Variants in FOXP2 observed in about 807,000 individuals in gnomAD.
FOXP2 encodes forkhead box protein P2.
FOXP2 carries 12 observed loss-of-function variants against 115.8 expected under a neutral mutation model. The ratio of observed to expected loss-of-function variants is 0.10; its 90% confidence interval spans 0.07 to 0.17. FOXP2 has a LOEUF of 0.17. FOXP2 is among the 10% of genes least tolerant of loss of function. FOXP2 has a pLI of 1.00. For synonymous variants in FOXP2, 328 were observed against 297.7 expected (o/e 1.10, Z -1.05); for missense variants, 629 against 843.5 (o/e 0.75, Z 3.15).
At position 114,432,638 on chromosome 7, in the gene FOXP2, G is replaced by A. The variant is rs144657050; in HGVS notation, c.168+5959G>A. Among the ~76,000 whole-genome samples the A allele has an allele frequency of 2.3e-3, 355 of 151,938 alleles. 1 individual carries two copies. Among genetic ancestry groups the A allele is most frequent in the African/African-American group, 8.3e-3 (343 of 41,510 alleles). On this transcript the variant is annotated intron_variant, in intron 2 of 16. Transcript: ENST00000350908. The stretch of plus-strand genomic sequence containing the variant: ...ATTGATTTAGAAATGGGAAAATGTG[G>A]CATCTATTTACATTTATCAAGTTTA...
At chr7:114,565,734 G>T (rs1800989903) in intron 3 of FOXP2, among the ~76,000 whole-genome samples, 1 of 152,070 alleles carries the variant, frequency 6.6e-6, no homozygotes, top group Admixed American at 6.6e-5. Flanking sequence ...TACAGGTCTT[G>T]GAGTCTGTGT....
intron 2 of FOXP2, among the ~76,000 whole-genome samples, chr7:114,343,147 C>T (rs914671266): frequency 1.3e-5 from 2 of 151,458 alleles, no homozygotes; most frequent in Non-Finnish European, 3.0e-5. Flanking sequence ...TCATGGTTTA[C>T]AAACACTTCC....
intron 2 of FOXP2, among the ~76,000 whole-genome samples, chr7:114,488,486 T>C (rs1046817656): frequency 6.6e-6 from 1 of 152,184 alleles, no homozygotes; most frequent in Non-Finnish European, 1.5e-5. Flanking sequence ...TTTACCTCTT[T>C]AAAACTCAGG....
intron 3 of FOXP2, among the ~76,000 whole-genome samples, chr7:114,538,054 G>A (rs1013846018): frequency 5.3e-5 from 8 of 151,510 alleles, no homozygotes; most frequent in African/African-American, 1.9e-4. Context: ...TGTTCATAGT[G>A]ATCCATAATG....
At chr7:114,556,664 G>T (rs1205327372) in intron 3 of FOXP2, among the ~76,000 whole-genome samples, 1 of 152,110 alleles carries the variant, frequency 6.6e-6, no homozygotes, top group African/African-American at 2.4e-5. Flanking sequence ...TAATTAAAGG[G>T]TTTGCCTCAT....
chr7:114,622,915 G>A (rs1804331198), intron 3 of FOXP2, among the ~76,000 whole-genome samples: 1 of 151,944 alleles, frequency 6.6e-6, no homozygotes, highest in African/African-American at 2.4e-5. Flanking sequence ...CTAGGGAATG[G>A]ATCTAGCTCA....
intron 4 of FOXP2, chr7:114,628,924 G>C (rs908393693): frequency 2.1e-6 from 1 of 474,772 alleles, no homozygotes; most frequent in Admixed American, 3.5e-5. Flanking sequence ...AATGGAATGA[G>C]CCAATATTTA....
chr7:114,261,413 T>C (rs1290040331), intron 1 of FOXP2, among the ~76,000 whole-genome samples: 1 of 152,210 alleles, frequency 6.6e-6, no homozygotes, highest in Non-Finnish European at 1.5e-5. Context: ...TCTGCACTCC[T>C]ATTCCTTGCG....
At chr7:114,393,815 A>C (rs1792668821) in intron 2 of FOXP2, among the ~76,000 whole-genome samples, 1 of 152,180 alleles carries the variant, frequency 6.6e-6, no homozygotes, top group Non-Finnish European at 1.5e-5. Context: ...AATGGGAGTC[A>C]AATTTCTCAT....
intron 2 of FOXP2, among the ~76,000 whole-genome samples, chr7:114,457,894 C>A (rs1156254880): frequency 0.011 from 1,254 of 114,618 alleles, no homozygotes; most frequent in Middle Eastern, 0.012. Flanking sequence ...GACTCCGTCT[C>A]AAAAAAAAAA....
intron 3 of FOXP2, among the ~76,000 whole-genome samples, chr7:114,539,574 T>C (rs971234274): frequency 6.6e-6 from 1 of 152,034 alleles, no homozygotes; most frequent in South Asian, 2.1e-4. Flanking sequence ...AAAAAGAATT[T>C]AATTCAAATA....
chr7:114,222,011 C>T (rs531586549), intron 1 of FOXP2, among the ~76,000 whole-genome samples: 2 of 152,240 alleles, frequency 1.3e-5, no homozygotes, highest in Non-Finnish European at 2.9e-5. Flanking sequence ...GAAGGAGATA[C>T]ACCTGCTTAC....
At chr7:114,173,257 A>G (rs1793195138) in intron 1 of FOXP2, among the ~76,000 whole-genome samples, 1 of 151,946 alleles carries the variant, frequency 6.6e-6, no homozygotes, top group Non-Finnish European at 1.5e-5. Context: ...GAAAAAGACT[A>G]TCTTCGTATT....
chr7:114,317,508 A>C (rs1293221285), intron 2 of FOXP2, among the ~76,000 whole-genome samples: 1 of 152,128 alleles, frequency 6.6e-6, no homozygotes, highest in African/African-American at 2.4e-5. Context: ...AACACAATTT[A>C]GTTGCTTCAT....
At chr7:114,297,282 CCCACACA>C (rs890655392) in intron 2 of FOXP2, 1 of 537,444 alleles carries the variant, frequency 1.9e-6, no homozygotes, top group African/African-American at 1.9e-5. Context: ...ATGGGGCGAA[CCCACACA>C]CCTCTGAATC....
At chr7:114,412,236 C>T (rs1033139915), upstream of FOXP2, among the ~76,000 whole-genome samples, 1 of 152,042 alleles carries the variant, frequency 6.6e-6, no homozygotes, top group African/African-American at 2.4e-5. Flanking sequence ...GTGGCATCTT[C>T]CTGATCACGT....
At chr7:114,266,118 C>A (rs115139931) in intron 1 of FOXP2, among the ~76,000 whole-genome samples, 47 of 152,154 alleles carry the variant, frequency 3.1e-4, no homozygotes, top group African/African-American at 1.1e-3. Context: ...ATTTTACTGT[C>A]CATATCACTA....
chr7:114,346,361 G>C (rs1346926751), intron 2 of FOXP2, among the ~76,000 whole-genome samples: 7 of 151,680 alleles, frequency 4.6e-5, no homozygotes, highest in Non-Finnish European at 1.0e-4. Flanking sequence ...TCCAACATTG[G>C]ATGAATGGAT....
intron 2 of FOXP2, among the ~76,000 whole-genome samples, chr7:114,444,148 T>C (rs1328385027): frequency 2.6e-5 from 4 of 152,170 alleles, no homozygotes; most frequent in Non-Finnish European, 5.9e-5. Context: ...CTAGTGTCAC[T>C]ATAAATGCAA....
Sources: gnomAD v4.1 joint callset for allele counts (sites outside exome capture counted in the v4.1 genomes callset) on GRCh38, gnomAD v4.1.1 for gene constraint, MANE v1.5 for transcripts, NCBI Gene and HGNC (gene_info 2026-07-23, HGNC 2026-07-21) for gene names.